Variants in PCDHA4 observed in about 807,000 individuals in gnomAD.
The protein encoded by PCDHA4 is protocadherin alpha-4.
PCDHA4 carries 49 observed loss-of-function variants against 61.4 expected under a neutral mutation model. The observed-to-expected ratio is 0.80, with a 90% confidence interval of 0.63 to 1.01. PCDHA4 has a LOEUF of 1.01. Ranked by LOEUF, PCDHA4 falls within the 50% of genes least tolerant of loss-of-function variation. The pLI, the probability that PCDHA4 is intolerant of heterozygous loss-of-function variation, is 0.00. For missense variants in PCDHA4, 1,254 were observed against 1,235.8 expected, an observed-to-expected ratio of 1.01 and a Z score of -0.22; for synonymous variants, 590 against 550.3, an observed-to-expected ratio of 1.07 and a Z score of -1.01.
chr5:140,977,923 C>T (rs573696974), intron 1 of PCDHA4, among the ~76,000 whole-genome samples: 2 of 151,828 alleles, frequency 1.3e-5, no homozygotes, highest in Admixed American at 1.3e-4. Flanking sequence ...TTTTTTCATT[C>T]AACTATACCT....
intron 1 of PCDHA4, among the ~76,000 whole-genome samples, chr5:140,840,501 C>T (rs956640130): frequency 7.9e-5 from 12 of 151,956 alleles, no homozygotes; most frequent in African/African-American, 2.9e-4. Flanking sequence ...GGTAAATACT[C>T]ACTTTTTGGA....
chr5:140,884,563 T>TAAGACG (rs2060266286), intron 1 of PCDHA4: 9 of 1,614,032 alleles, frequency 5.6e-6, no homozygotes, highest in Non-Finnish European at 7.6e-6. Context: ...AGGGCCCGCA[T>TAAGACG]AAGACGGACC....
rs1278190743 is a variant in PCDHA4, at chr5:140,891,784, G to C, written c.2385+82212G>C. 2.0e-5 allele frequency among the ~76,000 whole-genome samples: 3 copies of C among 152,152 alleles called. No homozygotes were observed. In the East Asian group the frequency reaches 5.8e-4, roughly 29 times the overall value. On this transcript the variant is annotated intron_variant, in intron 1 of 3. Coordinates refer to ENST00000530339, the MANE Select transcript of PCDHA4 (RefSeq NM_018907.4). ...GGTGGGGAATTTCAGGAAATGTTTA[G>C]ATTATGAGGGATCTGCCCTCATGAA...
At chr5:140,923,966 C>T (rs1422839186) in intron 1 of PCDHA4, among the ~76,000 whole-genome samples, 3 of 152,188 alleles carry the variant, frequency 2.0e-5, no homozygotes, top group Non-Finnish European at 4.4e-5. Flanking sequence ...AATCTATACC[C>T]ACACATACTA....
chr5:140,822,419 A>C, intron 1 of PCDHA4: 21 of 1,614,096 alleles, frequency 1.3e-5, no homozygotes, highest in Non-Finnish European at 1.8e-5. Flanking sequence ...ATTGCAACTG[A>C]TGGAGGAAAA....
At position 140,808,706 on chromosome 5, in the gene PCDHA4, T is replaced by C; in HGVS notation, c.1519T>C (p.Tyr507His). The change falls in exon 1 of 4, where the codon TAC becomes CAC. Residue 507 changes from tyrosine to histidine, a missense_variant. Tyr to His is a moderately conservative substitution (Grantham distance 83). Transcript: ENST00000530339. ...RRVGERALSS[Y>H]VSVHAESGKV... The stretch of plus-strand genomic sequence containing the variant: ...GGTAGGGGAGCGCGCGCTGTCGAGC[T>C]ACGTTTCGGTGCATGCGGAGAGCGG... 10 of 1,612,168 alleles carry C rather than the reference T, an allele frequency of 6.2e-6. No individual in the cohort carries two copies. Among genetic ancestry groups the C allele is most frequent in the Non-Finnish European group, 7.6e-6 (9 of 1,179,804 alleles).
intron 1 of PCDHA4, among the ~76,000 whole-genome samples, chr5:140,906,949 A>G (rs1349850915): frequency 1.3e-5 from 2 of 152,144 alleles, no homozygotes; most frequent in Non-Finnish European, 2.9e-5. Flanking sequence ...CTTAATTTCC[A>G]GTTTAATGGA....
rs549585024 is a variant in PCDHA4 at position 140,809,126 on chromosome 5, C to T, written c.1939C>T (p.Leu647=). The T allele has an allele frequency of 3.1e-6, 5 of 1,614,062 alleles. No homozygotes were observed. In the African/African-American group the frequency reaches 6.7e-5, roughly 22 times the overall value. The change falls in exon 1 of 4, where the codon CTA becomes TTA. Residue 647 remains leucine, a synonymous_variant. Transcript: ENST00000530339. Reference sequence around the variant, plus strand: ...CGAAACGGACGCTCCGCGCCACCGCCTACTGGTACTGGTGAAGGACCACGG... The same window carrying T: ...CGAAACGGACGCTCCGCGCCACCGCTTACTGGTACTGGTGAAGGACCACGG... ...LDETDAPRHR[L]LVLVKDHGEP...
chr5:140,871,519 A>G, intron 1 of PCDHA4: 1 of 1,554,010 alleles, frequency 6.4e-7, no homozygotes, highest in East Asian at 2.3e-5. Flanking sequence ...GATTCCACCT[A>G]TCAGGAAGTG....
At chr5:140,850,669 C>A in intron 1 of PCDHA4, 1 of 1,598,502 alleles carries the variant, frequency 6.3e-7, no homozygotes, top group South Asian at 1.1e-5. Flanking sequence ...CGGTGCTCGG[C>A]GATGCCCACC....
At chr5:140,817,150 A>C (rs1766074060) in intron 1 of PCDHA4, 1 of 152,244 alleles carries the variant, frequency 6.6e-6, no homozygotes, top group Non-Finnish European at 1.5e-5. Context: ...AGGTTCCATC[A>C]GTGCTCTGAG....
At chr5:140,836,549 G>C (rs2150263747) in intron 1 of PCDHA4, 1 of 1,613,770 alleles carries the variant, frequency 6.2e-7, no homozygotes, top group East Asian at 2.2e-5. Flanking sequence ...CGGCGTTGCG[G>C]TGCTCAGCGC....
Position 140,838,640 on chromosome 5 carries a change from A to G in PCDHA4, c.2385+29068A>G, listed in dbSNP as rs1775814503. On this transcript the variant is annotated intron_variant, in intron 1 of 3. Coordinates refer to ENST00000530339, the MANE Select transcript of PCDHA4 (RefSeq NM_018907.4). ...TTTTTACAAATAATTTGGTTGGTCAAAAAAATGATAGTTAACGGGGCATGG... is the reference window on the plus strand; with the variant it reads ...TTTTTACAAATAATTTGGTTGGTCAGAAAAATGATAGTTAACGGGGCATGG... Among the ~76,000 whole-genome samples, 5 of 152,166 alleles carry G rather than the reference A, an allele frequency of 3.3e-5. 1 individual carries two copies. In the South Asian group the frequency reaches 8.3e-4, roughly 25 times the overall value.
chr5:140,824,626 T>G (rs2150135985), intron 1 of PCDHA4: 1 of 133,454 alleles, frequency 7.5e-6, no homozygotes, highest in South Asian at 2.3e-4. Context: ...TTTTTTTTTT[T>G]TTTTTTATTT....
intron 1 of PCDHA4, chr5:140,862,703 A>G (rs2047499886): frequency 3.6e-6 from 2 of 558,206 alleles, no homozygotes; most frequent in East Asian, 4.9e-5. Flanking sequence ...TTGATGGAAC[A>G]GCGGGTGGGC....
At chr5:140,948,979 G>T (rs2094330965) in intron 1 of PCDHA4, among the ~76,000 whole-genome samples, 1 of 151,514 alleles carries the variant, frequency 6.6e-6, no homozygotes, top group South Asian at 2.1e-4. Flanking sequence ...AGTATGAACT[G>T]CTTTATTTGC....
chr5:140,982,611 T>G, intron 3 of PCDHA4, 48 bp downstream of exon 3: 2 of 1,600,048 alleles, frequency 1.2e-6, no homozygotes, highest in South Asian at 2.2e-5. Flanking sequence ...TGGAAAGTGA[T>G]CAGATGACCT....
rs139214405 is a variant in PCDHA4, at chr5:140,927,269, C to A, written c.2386-51680C>A. The A allele has an allele frequency of 2.4e-5, 38 of 1,614,024 alleles. No individual in the cohort carries two copies. In the African/African-American group the frequency reaches 3.9e-4, roughly 16 times the overall value. On this transcript the variant is annotated intron_variant, in intron 1 of 3. Transcript: ENST00000530339. ...AATGACAACTCACCTCTCTTTCCTG[C>A]CGGCGACGTGCAGCTGCACATCCCC...
At chr5:140,863,101 C>T in intron 1 of PCDHA4, 1 of 580,234 alleles carries the variant, frequency 1.7e-6, no homozygotes, top group Non-Finnish European at 3.4e-6. Flanking sequence ...GACGAGTACC[C>T]TGGACGAGGC....
Sources: gnomAD v4.1 joint callset for allele counts (sites outside exome capture counted in the v4.1 genomes callset) on GRCh38, gnomAD v4.1.1 for gene constraint, MANE v1.5 for transcripts, NCBI Gene and HGNC (gene_info 2026-07-23, HGNC 2026-07-21) for gene names.